The following ALPK1 variants were observed in gnomAD, a reference collection of about 807,000 sequenced individuals.
The protein encoded by ALPK1 is alpha kinase 1.
ALPK1 carries 110 observed loss-of-function variants against 120.6 expected under a neutral mutation model. The ratio of observed to expected loss-of-function variants is 0.91; its 90% CI spans 0.78 to 1.07. The LOEUF is 1.07. ALPK1 is among the 50% of genes least tolerant of loss of function. The pLI is 0.00. For synonymous variants in ALPK1, 582 were observed against 560.3 expected (o/e 1.04, Z -0.55); for missense variants, 1,498 against 1,483.9 (o/e 1.01, Z -0.16).
chr4:112,349,027 T>C (rs1730214265), intron 2 of ALPK1, among the ~76,000 whole-genome samples: 1 of 152,122 alleles, frequency 6.6e-6, no homozygotes, highest in Non-Finnish European at 1.5e-5. Flanking sequence ...AACAGCTGAT[T>C]AAACCAAGTT....
At chr4:112,415,097 A>G (rs897166848) in intron 5 of ALPK1, 5 of 152,332 alleles carry the variant, frequency 3.3e-5, no homozygotes, top group Non-Finnish European at 7.3e-5. Context: ...ATGGAGGGGA[A>G]AAAAACTCTC....
chr4:112,329,491 T>C (rs1729265853), intron 2 of ALPK1, among the ~76,000 whole-genome samples: 1 of 152,218 alleles, frequency 6.6e-6, no homozygotes, highest in South Asian at 2.1e-4. Flanking sequence ...AGAAAGCCCT[T>C]GGCTCTCAGG....
intron 2 of ALPK1, among the ~76,000 whole-genome samples, chr4:112,354,710 CA>C (rs1341757957): frequency 2.0e-5 from 3 of 152,106 alleles, no homozygotes; most frequent in Non-Finnish European, 4.4e-5. Context: ...TCAAGTGATC[CA>C]CCCACTTCCG....
chr4:112,367,895 G>C (rs759239012), intron 2 of ALPK1, among the ~76,000 whole-genome samples: 4 of 152,000 alleles, frequency 2.6e-5, no homozygotes, highest in Non-Finnish European at 5.9e-5. Flanking sequence ...TCTTCAGCTA[G>C]AGCTAATTAT....
At chr4:112,404,325 T>C (rs1178658084) in intron 4 of ALPK1, among the ~76,000 whole-genome samples, 1 of 152,240 alleles carries the variant, frequency 6.6e-6, no homozygotes, top group Admixed American at 6.5e-5. Context: ...TTTCCATTTT[T>C]TTCATGGTGT....
intron 12 of ALPK1, among the ~76,000 whole-genome samples, chr4:112,436,514 G>A (rs909911895): frequency 2.0e-5 from 3 of 152,190 alleles, no homozygotes; most frequent in Non-Finnish European, 4.4e-5. Flanking sequence ...AGTCATACTG[G>A]AGTAGGGTGG....
chr4:112,440,575 C>A (rs972073655), intron 14 of ALPK1, among the ~76,000 whole-genome samples: 2 of 152,084 alleles, frequency 1.3e-5, no homozygotes, highest in African/African-American at 4.8e-5. Flanking sequence ...CTAAAGAAAT[C>A]TCTGAATCAT....
intron 2 of ALPK1, among the ~76,000 whole-genome samples, chr4:112,373,411 G>A (rs543151783): frequency 2.6e-5 from 4 of 152,284 alleles, no homozygotes; most frequent in African/African-American, 4.8e-5. Context: ...GGCATAAAAC[G>A]TTGTGACTTA....
intron 13 of ALPK1, 49 bp downstream of exon 13, chr4:112,438,695 A>G (rs368727227): frequency 1.3e-6 from 2 of 1,578,164 alleles, no homozygotes; most frequent in East Asian, 2.2e-5. Context: ...TCACACTTGA[A>G]TATCAATTAA....
chr4:112,421,058 C>T (rs1733971529), intron 5 of ALPK1, among the ~76,000 whole-genome samples: 1 of 152,128 alleles, frequency 6.6e-6, no homozygotes, highest in Non-Finnish European at 1.5e-5. Context: ...GTCTCGAACT[C>T]CTGACCTCAG....
intron 2 of ALPK1, among the ~76,000 whole-genome samples, chr4:112,328,797 A>G (rs1303946525): frequency 6.6e-6 from 1 of 152,234 alleles, no homozygotes; most frequent in Non-Finnish European, 1.5e-5. Flanking sequence ...GTGCCTGCTC[A>G]TGCAGTGGCC....
chr4:112,318,382 G>A (rs1449966819), intron 2 of ALPK1, among the ~76,000 whole-genome samples: 1 of 152,188 alleles, frequency 6.6e-6, no homozygotes, highest in African/African-American at 2.4e-5. Flanking sequence ...ATGAAGAAAC[G>A]AGTGTTCATT....
intron 4 of ALPK1, among the ~76,000 whole-genome samples, chr4:112,387,696 T>A (rs1240898705): frequency 6.6e-6 from 1 of 152,200 alleles, no homozygotes; most frequent in Non-Finnish European, 1.5e-5. Flanking sequence ...ATAATAATAA[T>A]AAATGTTGAG....
chr4:112,438,695 A>T, intron 13 of ALPK1, 49 bp downstream of exon 13: 3 of 1,578,282 alleles, frequency 1.9e-6, no homozygotes, highest in Non-Finnish European at 2.6e-6. Context: ...TCACACTTGA[A>T]TATCAATTAA....
chr4:112,356,239 T>C, intron 2 of ALPK1: 1 of 1,524,146 alleles, frequency 6.6e-7, no homozygotes, highest in South Asian at 1.1e-5. Flanking sequence ...TGCAGATGAA[T>C]GGCATCCTGG....
At chr4:112,348,007 A>G (rs1225748120) in intron 2 of ALPK1, among the ~76,000 whole-genome samples, 1 of 152,212 alleles carries the variant, frequency 6.6e-6, no homozygotes, top group Non-Finnish European at 1.5e-5. Context: ...TATTAGAGAA[A>G]GGAGAAAATG....
Position 112,441,444 on chromosome 4 carries a change from C to G in ALPK1, c.*234C>G. The G allele has an allele frequency of 1.7e-6, 1 of 579,142 alleles. No homozygotes were observed. Among genetic ancestry groups the G allele is most frequent in the Non-Finnish European group, 3.1e-6 (1 of 324,868 alleles). 35.9% of individuals were successfully genotyped at this position (579,142 alleles called of 1,614,324 possible). On this transcript the variant is annotated 3_prime_UTR_variant, in exon 16 of 16. Coordinates refer to ENST00000650871, the MANE Select transcript of ALPK1 (RefSeq NM_025144.4). Reference sequence around the variant, plus strand: ...CAACATGGAAAACAGCCCCAACTCACCCATGAGGGATGAAAAGCACTCTTG... The same window carrying G: ...CAACATGGAAAACAGCCCCAACTCAGCCATGAGGGATGAAAAGCACTCTTG...
intron 6 of ALPK1, among the ~76,000 whole-genome samples, chr4:112,424,842 G>A (rs1241466651): frequency 6.6e-6 from 1 of 152,194 alleles, no homozygotes; most frequent in East Asian, 1.9e-4. Flanking sequence ...ATGTGACAGA[G>A]AATGGTGAGG....
intron 14 of ALPK1, 105 bp from the exon 15 acceptor site, chr4:112,440,810 TAA>T (rs1735001507): frequency 1.4e-6 from 2 of 1,447,624 alleles, no homozygotes; most frequent in African/African-American, 1.6e-5. Flanking sequence ...ATTATCTCTT[TAA>T]GTGTGTGTGT....
Sources: allele counts gnomAD v4.1 joint callset (sites outside exome capture counted in the v4.1 genomes callset), GRCh38; gene constraint gnomAD v4.1.1; transcripts MANE v1.5; gene names NCBI Gene and HGNC (gene_info 2026-07-23, HGNC 2026-07-21).